Variants in LAMA1 observed in about 807,000 individuals in gnomAD.
The protein encoded by LAMA1 is laminin subunit alpha 1, also known as laminin subunit alpha-1.
In LAMA1, 219 loss-of-function variants were observed where a neutral mutation model predicts 348.7. The ratio of observed to expected loss-of-function variants is 0.63; its 90% CI spans 0.56 to 0.70. The LOEUF (loss-of-function observed/expected upper bound fraction) is 0.70, where lower values mean the gene tolerates loss of function less well. Ranked by LOEUF, LAMA1 falls within the 30% of genes least tolerant of loss-of-function variation. The pLI, the probability that LAMA1 is intolerant of heterozygous loss-of-function variation, is 0.00. For synonymous variants in LAMA1, 1,487 were observed against 1,491.0 expected, an observed-to-expected ratio of 1.00 and a Z score of 0.06; for missense variants, 3,744 against 3,888.0, an observed-to-expected ratio of 0.96 and a Z score of 0.99.
chr18:7,042,031 A>T (rs2058022567), intron 9 of LAMA1, 114 bp downstream of exon 9: 7 of 789,334 alleles, frequency 8.9e-6, no homozygotes, highest in South Asian at 8.8e-5. Flanking sequence ...CTTGGTGAAC[A>T]AAAGAATCAA....
rs147015838 is a variant in LAMA1 at position 7,055,112 on chromosome 18, C to CTGTGTGTG, written c.346-4184_346-4177dup. Among the ~76,000 whole-genome samples, 490 of 145,306 alleles carry CTGTGTGTG rather than the reference C, an allele frequency of 3.4e-3. 4 individuals are homozygous for CTGTGTGTG. Among genetic ancestry groups the CTGTGTGTG allele is most frequent in the African/African-American group, 0.012 (470 of 39,570 alleles). On this transcript the variant is annotated intron_variant, in intron 3 of 62. Transcript: ENST00000389658. ...AACCCTCAAGTTATTCAAGGGTCAG[C>CTGTGTGTG]TGTGTGTGTGTGTGTGTGTGTGTGT...
In LAMA1 at chr18:7,033,455, CA is replaced by C. The variant is rs10686154; in HGVS notation, c.2052-361del. 3.1e-3 allele frequency among the ~76,000 whole-genome samples: 339 copies of C among 109,788 alleles called. No individual in the cohort carries two copies. In the East Asian group the frequency reaches 0.033, roughly 11 times the overall value. The allele number at this position is 109,788 out of a possible 152,430, so 72.0% of individuals were successfully genotyped here. Reference sequence around the variant, plus strand: ...TGGGTGATAGAGGGAGACTCTGTCTCAAAAAAAAAAAAAAAGACTTAAATCC... The same window carrying C: ...TGGGTGATAGAGGGAGACTCTGTCTCAAAAAAAAAAAAAAGACTTAAATCC... On this transcript the variant is annotated intron_variant, in intron 14 of 62. Coordinates refer to ENST00000389658, the MANE Select transcript of LAMA1 (RefSeq NM_005559.4).
At chr18:7,113,237 A>G (rs1729071119) in intron 1 of LAMA1, among the ~76,000 whole-genome samples, 1 of 152,318 alleles carries the variant, frequency 6.6e-6, no homozygotes, top group South Asian at 2.1e-4. Flanking sequence ...TTAGAACCCA[A>G]ATGAAAGATG....
Position 7,038,932 on chromosome 18 carries a change from C to A in LAMA1, c.1441G>T (p.Ala481Ser). The change falls in exon 11 of 63, where the codon GCC becomes TCC. Residue 481 changes from alanine to serine, a missense_variant. Around this residue, in one of 3 missense-constraint regions of LAMA1, gnomAD observed 1,529 missense variants for 1,689.4 expected, o/e 0.91. Transcript: ENST00000389658. ...AATCCTGGCTTGCAGCGATCACAGG[C>A]CTTCCCCTCAACGTTTTCCTGTAAG... Reference protein sequence around the residue: ...CVCKENVEGKACDRCKPGFYN... With the variant: ...CVCKENVEGKSCDRCKPGFYN... 6.2e-7 allele frequency: 1 copy of A among 1,613,732 alleles called. No individual in the cohort carries two copies. The highest frequency in any genetic ancestry group is 8.5e-7 in the Non-Finnish European group (1 of 1,179,688).
In LAMA1 at chr18:6,986,218, C is replaced by T. The variant is rs200050759; in HGVS notation, c.5298G>A (p.Ala1766=). ...TCTTTGCCTCAGCTTCCCTCACGAGCGCCTCAGCCGCCTTTAGTTCATTGT... is the reference window on the plus strand; with the variant it reads ...TCTTTGCCTCAGCTTCCCTCACGAGTGCCTCAGCCGCCTTTAGTTCATTGT... The part of the protein sequence containing the change: ...KHNNELKAAE[A]LVREAEAKMQ... Residue 1766 remains alanine, a synonymous_variant, in exon 37 of 63, where the codon GCG becomes GCA. Transcript: ENST00000389658. 163 of 1,614,186 alleles carry T rather than the reference C, an allele frequency of 1.0e-4. 1 individual carries two copies. Among genetic ancestry groups the T allele is most frequent in the African/African-American group, 5.2e-4 (39 of 75,044 alleles).
At chr18:7,072,717 CTG>C (rs1460111605) in intron 3 of LAMA1, among the ~76,000 whole-genome samples, 3 of 152,168 alleles carry the variant, frequency 2.0e-5, no homozygotes, top group East Asian at 3.8e-4. Flanking sequence ...TGCTCTGTCT[CTG>C]TGTTTCTGTT....
chr18:7,017,674 A>T (rs1318196880), intron 19 of LAMA1, among the ~76,000 whole-genome samples: 2 of 152,210 alleles, frequency 1.3e-5, no homozygotes, highest in African/African-American at 2.4e-5. Flanking sequence ...ATTTTAAATG[A>T]GCTACAAATT....
intron 5 of LAMA1, among the ~76,000 whole-genome samples, chr18:7,047,021 G>A (rs2058044236): frequency 6.7e-6 from 1 of 149,306 alleles, no homozygotes; most frequent in Non-Finnish European, 1.5e-5. Context: ...TAACAGTTTA[G>A]TCTTACTATG....
intron 3 of LAMA1, among the ~76,000 whole-genome samples, chr18:7,057,965 T>A (rs1394142018): frequency 1.3e-5 from 2 of 150,896 alleles, no homozygotes; most frequent in African/African-American, 4.9e-5. Context: ...CGGCCAATTT[T>A]TTTTAATTTT....
Position 6,975,138 on chromosome 18 carries a change from T to C in LAMA1, c.6490-102A>G. The stretch of plus-strand genomic sequence containing the variant: ...AATTCTTACGGGGTTTTCTCTTTTC[T>C]TAAAAATAAATACATAAAAAGCAAA... On this transcript the variant is annotated intron_variant, in intron 45 of 62. Transcript: ENST00000389658. 4 of 1,368,896 alleles carry C rather than the reference T, an allele frequency of 2.9e-6. No homozygotes were observed. In the East Asian group the frequency reaches 1.0e-4, roughly 34 times the overall value. The allele number at this position is 1,368,896 out of a possible 1,614,324, so 84.8% of individuals were successfully genotyped here.
intron 48 of LAMA1, among the ~76,000 whole-genome samples, chr18:6,966,911 C>T (rs1318598708): frequency 6.6e-6 from 1 of 152,164 alleles, no homozygotes; most frequent in Non-Finnish European, 1.5e-5. Context: ...TCTTCTCCCC[C>T]AACAGAGCAA....
At chr18:7,021,452 A>G (rs2057915003) in intron 19 of LAMA1, among the ~76,000 whole-genome samples, 4 of 152,196 alleles carry the variant, frequency 2.6e-5, no homozygotes, top group African/African-American at 9.6e-5. Flanking sequence ...AAAATTTTAA[A>G]TATGTTTGAA....
chr18:7,010,284 A>G lies in LAMA1; in HGVS notation c.3789T>C (p.Gly1263=). The G allele has an allele frequency of 2.5e-6, 4 of 1,614,132 alleles. No individual in the cohort carries two copies. Among genetic ancestry groups the G allele is most frequent in the Non-Finnish European group, 3.4e-6 (4 of 1,180,030 alleles). Residue 1263 remains glycine (G), a synonymous_variant, in exon 26 of 63, where the codon GGT becomes GGC. Transcript: ENST00000389658. ...NFEPQVLIKG[G]RIRKQVIYMD... ...TGTAAATGACTTGCTTTCTGATCCG[A>G]CCACCTTTGATGAGAACTTGAGGCT...
At position 6,978,352 on chromosome 18, in the gene LAMA1, TG is replaced by T; in HGVS notation, c.6033del (p.Glu2013SerfsTer11). ...TGGCTTGCAGACGTGGCCAGCTCTT[TG>T]GTTTTGGCTCCCTTGTCTCTTATAC... is the stretch of plus-strand genomic sequence containing the variant. Reference protein sequence around the residue: ...PKGIRDKGAKTKELATSASQS... With the variant: ...PKGIRDKGAKXKELATSASQS... On this transcript the variant is annotated frameshift_variant, in exon 43 of 63. Coordinates refer to ENST00000389658, the MANE Select transcript of LAMA1 (RefSeq NM_005559.4). LOFTEE classifies it high-confidence loss of function. The T allele has an allele frequency of 6.2e-7, 1 of 1,614,210 alleles. No homozygotes were observed. The highest frequency in any genetic ancestry group is 8.5e-7 in the Non-Finnish European group (1 of 1,180,038).
intron 51 of LAMA1, chr18:6,964,282 A>G (rs569632864): frequency 6.4e-6 from 2 of 314,670 alleles, no homozygotes; most frequent in South Asian, 6.8e-5. Flanking sequence ...GGTAGTCTTG[A>G]TCCTCCTTAT....
intron 34 of LAMA1, among the ~76,000 whole-genome samples, chr18:6,995,073 C>T (rs1207773037): frequency 6.6e-6 from 1 of 152,208 alleles, no homozygotes; most frequent in East Asian, 1.9e-4. Flanking sequence ...CCCCGCCCCA[C>T]CTTTGTTTCA....
Position 6,978,305 on chromosome 18 carries a change from C to A in LAMA1, c.6081G>T (p.Arg2027Ser), listed in dbSNP as rs955349741. The part of the protein sequence containing the change: ...SASQSAVSTL[R>S]DVAGLSQELL... ...GCTCCTGGCTCAGCCCCGCCACGTC[C>A]CTCAGCGTGCTCACCGCGCTCTGGC... is the stretch of plus-strand genomic sequence containing the variant. The change falls in exon 43 of 63, where the codon AGG becomes AGT. Residue 2027 changes from arginine to serine, a missense_variant. Transcript: ENST00000389658. 3 of 1,614,096 alleles carry A rather than the reference C, an allele frequency of 1.9e-6. No individual in the cohort carries two copies. The African/African-American group carries it at 4.0e-5, about 22-fold the overall frequency.
chr18:6,980,014 AGACCCCCC>A (rs1463959827), intron 42 of LAMA1, among the ~76,000 whole-genome samples: 2 of 149,330 alleles, frequency 1.3e-5, no homozygotes, highest in African/African-American at 5.1e-5. Flanking sequence ...AAATTACTGT[AGACCCCCC>A]CAAAAAATTT....
chr18:7,078,879 C>A (rs540643046), intron 3 of LAMA1, among the ~76,000 whole-genome samples: 2 of 151,972 alleles, frequency 1.3e-5, no homozygotes, highest in Non-Finnish European at 2.9e-5. Context: ...CCCAGCTAAT[C>A]GGGAGGCTGA....
Sources: gnomAD v4.1 joint callset for allele counts (sites outside exome capture counted in the v4.1 genomes callset) on GRCh38, gnomAD v4.1.1 for gene constraint, gnomAD v4.1.1 regional missense constraint, MANE v1.5 for transcripts, NCBI Gene and HGNC (gene_info 2026-07-23, HGNC 2026-07-21) for gene names.